Variants in SUGCT observed in about 807,000 individuals in gnomAD.
SUGCT encodes the protein succinyl-CoA:glutarate CoA-transferase.
A neutral mutation model predicts 55.0 loss-of-function variants in SUGCT; 41 were observed. The observed-to-expected ratio is 0.74, with a 90% confidence interval of 0.58 to 0.97. The LOEUF is 0.97. Among genes scored for constraint, SUGCT ranks in the 50% least tolerant of loss-of-function variants. SUGCT has a pLI of 0.00. For missense variants in SUGCT, 568 were observed against 547.8 expected, an observed-to-expected ratio of 1.04 and a Z score of -0.37; for synonymous variants, 187 against 200.4, an observed-to-expected ratio of 0.93 and a Z score of 0.56.
intron 9 of SUGCT, among the ~76,000 whole-genome samples, chr7:40,427,134 A>G (rs1219825162): frequency 2.0e-5 from 3 of 152,166 alleles, no homozygotes; most frequent in Non-Finnish European, 2.9e-5. Flanking sequence ...TTAAATTTTG[A>G]TTGAGACATA....
chr7:40,338,682 G>A (rs1391249522), intron 9 of SUGCT, among the ~76,000 whole-genome samples: 4 of 152,088 alleles, frequency 2.6e-5, no homozygotes, highest in African/African-American at 7.2e-5. Context: ...TCTTCTTTGC[G>A]ATGGGTTTGA....
At position 40,141,294 on chromosome 7, in the gene SUGCT, C is replaced by G. The variant is rs557177866; in HGVS notation, c.100+6174C>G. 1.4e-4 allele frequency among the ~76,000 whole-genome samples: 22 copies of G among 152,018 alleles called. 1 individual carries two copies. The South Asian group carries it at 4.4e-3, about 30-fold the overall frequency. Reference sequence around the variant, plus strand: ...AAGTGCTGGGATTACAGGCATGAGCCACTGTGCCCATCTGATTTATAAATT... The same window carrying G: ...AAGTGCTGGGATTACAGGCATGAGCGACTGTGCCCATCTGATTTATAAATT... On this transcript the variant is annotated intron_variant, in intron 1 of 13. Coordinates refer to ENST00000335693, the MANE Select transcript of SUGCT (RefSeq NM_001193313.2).
intron 9 of SUGCT, among the ~76,000 whole-genome samples, chr7:40,327,867 C>T (rs1796098165): frequency 1.3e-5 from 2 of 152,162 alleles, no homozygotes; most frequent in South Asian, 4.1e-4. Context: ...AAATATCTTA[C>T]ATATATTAAA....
rs189648045 is a variant in SUGCT at position 40,141,933 on chromosome 7, C to T, written c.100+6813C>T. The T allele has an allele frequency of 9.4e-5, 27 of 287,466 alleles. No homozygotes were observed. The East Asian group carries it at 1.7e-3, about 18-fold the overall frequency. The allele number at this position is 287,466 out of a possible 1,614,324, so 17.8% of individuals were successfully genotyped here. A position where few individuals can be genotyped will look rare whatever the true frequency, so the allele number is the denominator to read the frequency against. ...TTCTTATCCCTGATGCACGTGGCCC[C>T]GCTGCTGTGTCATTCCCCTATTGGC... On this transcript the variant is annotated intron_variant, in intron 1 of 13. Coordinates refer to ENST00000335693, the MANE Select transcript of SUGCT (RefSeq NM_001193313.2).
At chr7:40,856,701 A>G (rs928927312) in intron 13 of SUGCT, among the ~76,000 whole-genome samples, 13 of 152,310 alleles carry the variant, frequency 8.5e-5, no homozygotes, top group Admixed American at 7.2e-4. Flanking sequence ...ATCTTTGCCT[A>G]TGAAAATTGT....
chr7:40,962,821 A>G, the SUGCT span, among the ~76,000 whole-genome samples: 1 of 152,090 alleles, frequency 6.6e-6, no homozygotes, highest in Non-Finnish European at 1.5e-5. Context: ...TGTTAGATAG[A>G]AGTGTTATGG....
At chr7:40,876,487 G>C in the SUGCT span, among the ~76,000 whole-genome samples, 3 of 152,168 alleles carry the variant, frequency 2.0e-5, no homozygotes, top group Non-Finnish European at 4.4e-5. Context: ...TGGGCATATT[G>C]AAGTTTCTAG....
chr7:40,549,772 A>G (rs1037534146), intron 12 of SUGCT, among the ~76,000 whole-genome samples: 2 of 152,186 alleles, frequency 1.3e-5, no homozygotes. Flanking sequence ...ATATACATAA[A>G]TGTTTCTGAG....
At chr7:40,644,849 C>T (rs889699733) in intron 12 of SUGCT, among the ~76,000 whole-genome samples, 5 of 152,152 alleles carry the variant, frequency 3.3e-5, no homozygotes, top group South Asian at 4.1e-4. Context: ...GGGGTTTACC[C>T]GAGTTGCTTT....
chr7:40,512,650 G>A (rs1406629632), intron 12 of SUGCT, among the ~76,000 whole-genome samples: 1 of 152,082 alleles, frequency 6.6e-6, no homozygotes, highest in East Asian at 1.9e-4. Context: ...TAAAATGATG[G>A]AAATTTTTTT....
chr7:40,342,883 T>G (rs1173494788), intron 9 of SUGCT, among the ~76,000 whole-genome samples: 2 of 152,224 alleles, frequency 1.3e-5, no homozygotes, highest in Non-Finnish European at 2.9e-5. Context: ...CCTCAAGTGA[T>G]CCGCTTGCCT....
intron 1 of SUGCT, among the ~76,000 whole-genome samples, chr7:40,171,675 G>C (rs906291933): frequency 6.6e-6 from 1 of 152,198 alleles, no homozygotes; most frequent in Non-Finnish European, 1.5e-5. Flanking sequence ...TCCTCTAAAC[G>C]TTACTTTTCT....
chr7:40,885,698 T>G, the SUGCT span, among the ~76,000 whole-genome samples: 1 of 152,194 alleles, frequency 6.6e-6, no homozygotes, highest in African/African-American at 2.4e-5. Context: ...TGATGACCCC[T>G]GACGTCTTCC....
At chr7:40,622,875 A>T (rs1450017827) in intron 12 of SUGCT, among the ~76,000 whole-genome samples, 1 of 152,040 alleles carries the variant, frequency 6.6e-6, no homozygotes, top group East Asian at 1.9e-4. Flanking sequence ...ATGAAACCCC[A>T]TCTGGTTTAA....
intron 9 of SUGCT, among the ~76,000 whole-genome samples, chr7:40,330,531 G>A (rs1439494761): frequency 6.6e-6 from 1 of 151,786 alleles, no homozygotes; most frequent in Non-Finnish European, 1.5e-5. Flanking sequence ...GTTCTTGAAA[G>A]AAATTACCTG....
Position 40,678,418 on chromosome 7 carries a change from T to A in SUGCT, c.1090-71016T>A, listed in dbSNP as rs115171106. Among the ~76,000 whole-genome samples the A allele has an allele frequency of 8.0e-3, 1,211 of 152,256 alleles. 11 individuals carry two copies. Among genetic ancestry groups the A allele is most frequent in the African/African-American group, 0.027 (1,123 of 41,538 alleles). On this transcript the variant is annotated intron_variant, in intron 12 of 13. Transcript: ENST00000335693. ...ATCCTTGATCTAAAGCTATTTTTAGTTGTCAAAAAACAATTACCCATACTT... is the reference window on the plus strand; with the variant it reads ...ATCCTTGATCTAAAGCTATTTTTAGATGTCAAAAAACAATTACCCATACTT...
chr7:40,711,049 C>T (rs1785685794), intron 12 of SUGCT, among the ~76,000 whole-genome samples: 1 of 152,212 alleles, frequency 6.6e-6, no homozygotes, highest in African/African-American at 2.4e-5. Flanking sequence ...GTTAATGAAA[C>T]TTCTAAATCA....
chr7:40,280,223 T>G (rs554108875), intron 8 of SUGCT, among the ~76,000 whole-genome samples: 8 of 152,368 alleles, frequency 5.3e-5, no homozygotes, highest in Middle Eastern at 6.8e-3. Context: ...CCACAGTTTT[T>G]ATAGTTTTAA....
At chr7:40,225,396 A>G (rs1788279298) in intron 6 of SUGCT, among the ~76,000 whole-genome samples, 1 of 151,714 alleles carries the variant, frequency 6.6e-6, no homozygotes, top group African/African-American at 2.4e-5. Context: ...GATGTAGTAA[A>G]CCATATTAAT....
Sources: gnomAD v4.1 joint callset for allele counts (sites outside exome capture counted in the v4.1 genomes callset) on GRCh38, gnomAD v4.1.1 for gene constraint, MANE v1.5 for transcripts, NCBI Gene and HGNC (gene_info 2026-07-23, HGNC 2026-07-21) for gene names.